NRG3: variants seen among roughly 807,000 people sequenced by gnomAD.
NRG3 encodes pro-neuregulin-3, membrane-bound isoform.
A neutral mutation model predicts 66.9 loss-of-function variants in NRG3; 31 were observed. The observed-to-expected ratio is 0.46, with a 90% CI of 0.35 to 0.63. NRG3 has a LOEUF of 0.63. Among genes scored for constraint, NRG3 ranks in the 20% least tolerant of loss-of-function variants. The pLI, the probability that NRG3 is intolerant of heterozygous loss-of-function variation, is 0.00. For missense variants in NRG3, 910 were observed against 878.9 expected (o/e 1.04, Z -0.45); for synonymous variants, 393 against 359.4 (o/e 1.09, Z -1.06).
At chr10:82,447,818 A>G (rs7902584) in intron 2 of NRG3, among the ~76,000 whole-genome samples, 23,816 of 152,222 alleles carry the variant, frequency 0.16, 1,962 homozygotes, top group Admixed American at 0.22. Flanking sequence ...GAATTTTTCA[A>G]TGAATATACA....
At chr10:82,020,734 A>G (rs1345747078) in intron 1 of NRG3, among the ~76,000 whole-genome samples, 1 of 152,064 alleles carries the variant, frequency 6.6e-6, no homozygotes, top group Non-Finnish European at 1.5e-5. Context: ...CCTCATTGCT[A>G]ATTGTCTTGC....
chr10:82,775,323 C>T (rs911953787), intron 3 of NRG3, among the ~76,000 whole-genome samples: 10 of 151,222 alleles, frequency 6.6e-5, no homozygotes, highest in South Asian at 2.1e-4. Flanking sequence ...TCATTTGACT[C>T]AATAATTTTT....
intron 2 of NRG3, among the ~76,000 whole-genome samples, chr10:82,431,887 C>A (rs1398304695): frequency 1.3e-5 from 2 of 152,114 alleles, no homozygotes; most frequent in Non-Finnish European, 1.5e-5. Context: ...AAGAAATGGG[C>A]ATTCCTCCAT....
chr10:82,571,885 A>G (rs1205662771), intron 2 of NRG3, among the ~76,000 whole-genome samples: 1 of 151,706 alleles, frequency 6.6e-6, no homozygotes, highest in African/African-American at 2.4e-5. Context: ...TTCTTGAAAG[A>G]TACATTAAAA....
chr10:82,198,162 G>A (rs923260884), intron 1 of NRG3, among the ~76,000 whole-genome samples: 2 of 152,072 alleles, frequency 1.3e-5, no homozygotes, highest in Admixed American at 6.5e-5. Flanking sequence ...ATATGGGGAC[G>A]GAAACACTGA....
chr10:82,438,768 G>A (rs2090283252), intron 2 of NRG3, among the ~76,000 whole-genome samples: 1 of 152,162 alleles, frequency 6.6e-6, no homozygotes, highest in South Asian at 2.1e-4. Context: ...CCTTGGCTGG[G>A]GGGAGGGGGT....
intron 2 of NRG3, among the ~76,000 whole-genome samples, chr10:82,492,503 T>A (rs1467072831): frequency 6.6e-6 from 1 of 152,186 alleles, no homozygotes; most frequent in African/African-American, 2.4e-5. Flanking sequence ...AATTTCCCCC[T>A]AGGCTCAAAG....
intron 1 of NRG3, among the ~76,000 whole-genome samples, chr10:82,263,969 G>A (rs2078166710): frequency 6.6e-6 from 1 of 152,130 alleles, no homozygotes; most frequent in Admixed American, 6.6e-5. Flanking sequence ...TAACTCAGAG[G>A]GGCTTTGTTT....
intron 1 of NRG3, among the ~76,000 whole-genome samples, chr10:82,047,444 T>A (rs1484378411): frequency 6.6e-6 from 1 of 152,044 alleles, no homozygotes. Context: ...GGGGACAATA[T>A]TCAACATTCT....
At chr10:82,597,754 C>T (rs1250235175) in intron 2 of NRG3, among the ~76,000 whole-genome samples, 1 of 151,978 alleles carries the variant, frequency 6.6e-6, no homozygotes, top group East Asian at 1.9e-4. Context: ...AACCCCGTCT[C>T]TACGAAAAAC....
intron 3 of NRG3, among the ~76,000 whole-genome samples, chr10:82,787,201 C>T (rs538353847): frequency 6.6e-6 from 1 of 152,130 alleles, no homozygotes; most frequent in Non-Finnish European, 1.5e-5. Context: ...CTAGGTGATG[C>T]CCTACTGATT....
intron 2 of NRG3, among the ~76,000 whole-genome samples, chr10:82,695,327 A>G (rs2055286171): frequency 6.6e-6 from 1 of 152,192 alleles, no homozygotes; most frequent in Non-Finnish European, 1.5e-5. Context: ...TAATGAAGAA[A>G]AAGGAAAAAT....
At chr10:82,082,092 C>T (rs989534961) in intron 1 of NRG3, among the ~76,000 whole-genome samples, 2 of 152,192 alleles carry the variant, frequency 1.3e-5, no homozygotes, top group African/African-American at 2.4e-5. Context: ...TTTCATGTTT[C>T]ATTTTAACCT....
chr10:82,865,270 A>G, intron 3 of NRG3, 141 bp from the exon 4 acceptor site: 1 of 704,256 alleles, frequency 1.4e-6, no homozygotes, highest in South Asian at 1.9e-5. Context: ...TATCTTTTCT[A>G]AGCAAACATA....
intron 1 of NRG3, among the ~76,000 whole-genome samples, chr10:82,290,110 G>A (rs892401299): frequency 5.3e-5 from 8 of 152,152 alleles, no homozygotes; most frequent in African/African-American, 1.9e-4. Context: ...AGTGACACCT[G>A]CATTCCTGCT....
intron 2 of NRG3, among the ~76,000 whole-genome samples, chr10:82,407,480 A>G (rs1240164893): frequency 6.6e-6 from 1 of 151,682 alleles, no homozygotes. Context: ...AAGTTAAGGA[A>G]CCTCTGTGTG....
chr10:82,689,785 A>G (rs1195773633), intron 2 of NRG3, among the ~76,000 whole-genome samples: 1 of 152,220 alleles, frequency 6.6e-6, no homozygotes. Flanking sequence ...AGTACAATGA[A>G]TGAAGAAAGG....
chr10:82,067,484 A>G (rs1176565786), intron 1 of NRG3, among the ~76,000 whole-genome samples: 1 of 152,184 alleles, frequency 6.6e-6, no homozygotes, highest in South Asian at 2.1e-4. Flanking sequence ...AGTAGCTGAG[A>G]TTACAGGTTC....
chr10:82,791,743 C>T (rs1484572529), intron 3 of NRG3, among the ~76,000 whole-genome samples: 1 of 152,160 alleles, frequency 6.6e-6, no homozygotes, highest in Non-Finnish European at 1.5e-5. Context: ...TTCTTGTTTG[C>T]CCCAACTTGC....
Sources: allele counts gnomAD v4.1 joint callset (sites outside exome capture counted in the v4.1 genomes callset), GRCh38; gene constraint gnomAD v4.1.1; transcripts MANE v1.5; gene names NCBI Gene and HGNC (gene_info 2026-07-23, HGNC 2026-07-21).